Variants in RPS6KC1 observed in about 807,000 individuals in gnomAD.
RPS6KC1 encodes ribosomal protein S6 kinase C1.
Under a neutral mutation model 103.8 loss-of-function variants are expected in RPS6KC1, and 54 were observed. The observed-to-expected ratio is 0.52, with a 90% confidence interval of 0.42 to 0.65. The LOEUF is 0.65. RPS6KC1 is among the 30% of genes least tolerant of loss of function. The probability of loss-of-function intolerance (pLI) is 0.00; values close to 1 mark genes in which losing one functional copy is unlikely to be tolerated. For synonymous variants in RPS6KC1, 439 were observed against 438.7 expected (o/e 1.00, Z -0.01); for missense variants, 1,151 against 1,253.8 (o/e 0.92, Z 1.24).
At chr1:213,597,284 TA>T in the RPS6KC1 span, among the ~76,000 whole-genome samples, 1 of 152,222 alleles carries the variant, frequency 6.6e-6, no homozygotes, top group Non-Finnish European at 1.5e-5. Context: ...TTTGCATGTT[TA>T]AGGGATATCC....
At chr1:213,392,564 C>A in the RPS6KC1 span, among the ~76,000 whole-genome samples, 2 of 152,204 alleles carry the variant, frequency 1.3e-5, no homozygotes, top group African/African-American at 4.8e-5. Context: ...ATTACAGCTT[C>A]CAAAATGTGG....
At chr1:213,429,383 G>T in the RPS6KC1 span, among the ~76,000 whole-genome samples, 1 of 152,110 alleles carries the variant, frequency 6.6e-6, no homozygotes, top group Non-Finnish European at 1.5e-5. Context: ...CTAATACCTG[G>T]ACTCAAGTGA....
the RPS6KC1 span, among the ~76,000 whole-genome samples, chr1:213,517,880 G>C: frequency 2.3e-4 from 35 of 152,080 alleles, no homozygotes; most frequent in African/African-American, 8.0e-4. Flanking sequence ...CTTCGTAGGT[G>C]TCTAAGGACT....
At chr1:213,380,474 C>A in the RPS6KC1 span, among the ~76,000 whole-genome samples, 2 of 151,960 alleles carry the variant, frequency 1.3e-5, no homozygotes, top group African/African-American at 2.4e-5. Context: ...TGCACATGTA[C>A]CCCTGAACTT....
chr1:213,224,389 G>A (rs1242286955), intron 8 of RPS6KC1, among the ~76,000 whole-genome samples: 1 of 152,104 alleles, frequency 6.6e-6, no homozygotes, highest in African/African-American at 2.4e-5. Context: ...CCCCCAGTTA[G>A]GAGCAGTTAT....
At chr1:213,125,108 T>A (rs989529819) in intron 5 of RPS6KC1, among the ~76,000 whole-genome samples, 2 of 152,134 alleles carry the variant, frequency 1.3e-5, no homozygotes, top group Non-Finnish European at 2.9e-5. Context: ...GATACTGAAC[T>A]TAAGGGCTTA....
intron 6 of RPS6KC1, among the ~76,000 whole-genome samples, chr1:213,137,038 C>T (rs1433543249): frequency 6.6e-6 from 1 of 152,092 alleles, no homozygotes; most frequent in African/African-American, 2.4e-5. Flanking sequence ...GGCAGGGTTC[C>T]AGTTTTGAGA....
the RPS6KC1 span, among the ~76,000 whole-genome samples, chr1:213,628,521 C>T: frequency 6.6e-6 from 1 of 151,964 alleles, no homozygotes; most frequent in East Asian, 1.9e-4. Context: ...TACATATGCA[C>T]AGCATGCAGG....
At chr1:213,404,161 G>C in the RPS6KC1 span, among the ~76,000 whole-genome samples, 2 of 152,194 alleles carry the variant, frequency 1.3e-5, no homozygotes, top group Non-Finnish European at 2.9e-5. Flanking sequence ...GGCCCACCTT[G>C]AGGCAAGGGG....
the RPS6KC1 span, among the ~76,000 whole-genome samples, chr1:213,815,950 G>A: frequency 6.6e-6 from 1 of 152,148 alleles, no homozygotes; most frequent in African/African-American, 2.4e-5. Flanking sequence ...ACCTTTAGAA[G>A]CCATTGTAGG....
rs903697627 is a variant in RPS6KC1, at chr1:213,120,897, C to T, written c.472+3487C>T. ...TGTTAATATCTTAAAATGCAGTCAA[C>T]AGATCCTAATATACTTTGAAATGAA... On this transcript the variant is annotated intron_variant, in intron 5 of 14. Transcript: ENST00000366960. Among the ~76,000 whole-genome samples the T allele has an allele frequency of 5.3e-5, 8 of 152,278 alleles. No individual in the cohort carries two copies. In the East Asian group the frequency reaches 1.5e-3, roughly 29 times the overall value.
chr1:213,808,250 C>T, the RPS6KC1 span, among the ~76,000 whole-genome samples: 2 of 152,208 alleles, frequency 1.3e-5, no homozygotes, highest in African/African-American at 4.8e-5. Context: ...CTTGAGGAGG[C>T]AGTCTGCCCG....
At chr1:213,358,224 T>C in the RPS6KC1 span, among the ~76,000 whole-genome samples, 4 of 152,312 alleles carry the variant, frequency 2.6e-5, no homozygotes, top group African/African-American at 7.2e-5. Flanking sequence ...AGCTCCTCCT[T>C]GTACTGCTGG....
the RPS6KC1 span, among the ~76,000 whole-genome samples, chr1:213,732,032 T>C: frequency 5.3e-5 from 8 of 152,252 alleles, no homozygotes; most frequent in Admixed American, 6.5e-5. Context: ...TCAATACTGG[T>C]TGTCTTATGG....
At chr1:213,436,600 C>A in the RPS6KC1 span, among the ~76,000 whole-genome samples, 3 of 152,184 alleles carry the variant, frequency 2.0e-5, no homozygotes, top group Admixed American at 1.3e-4. Flanking sequence ...AGTAGGGAGA[C>A]CTGATGTCTT....
the RPS6KC1 span, among the ~76,000 whole-genome samples, chr1:213,590,972 G>A: frequency 1.1e-4 from 16 of 152,076 alleles, no homozygotes; most frequent in African/African-American, 4.8e-5. Context: ...CCCCACCACC[G>A]CAGCTAGTCT....
the RPS6KC1 span, among the ~76,000 whole-genome samples, chr1:213,500,027 A>G: frequency 2.0e-5 from 3 of 152,172 alleles, no homozygotes; most frequent in Admixed American, 6.5e-5. Flanking sequence ...TATAAGGACT[A>G]TACACTTAGG....
At chr1:213,509,155 A>G in the RPS6KC1 span, among the ~76,000 whole-genome samples, 4 of 152,216 alleles carry the variant, frequency 2.6e-5, no homozygotes, top group Admixed American at 1.3e-4. Context: ...CTGGGACATC[A>G]GATGTAAACC....
At chr1:213,104,433 T>A (rs1312093463) in intron 3 of RPS6KC1, 21 bp from the exon 4 acceptor site, 3 of 1,475,126 alleles carry the variant, frequency 2.0e-6, no homozygotes, top group Non-Finnish European at 2.8e-6. Context: ...CCCTTAAGTG[T>A]TGATTCTTAT....
Sources: allele counts gnomAD v4.1 joint callset (sites outside exome capture counted in the v4.1 genomes callset), GRCh38; gene constraint gnomAD v4.1.1; transcripts MANE v1.5; gene names NCBI Gene and HGNC (gene_info 2026-07-23, HGNC 2026-07-21).